The following SLCO1B1 variants were observed in gnomAD, a reference collection of about 807,000 sequenced individuals.
SLCO1B1 encodes solute carrier organic anion transporter family member 1B1, also known as OATP-2.
Under a neutral mutation model 70.1 loss-of-function variants are expected in SLCO1B1, and 81 were observed. The observed-to-expected ratio is 1.16, with a 90% CI of 0.97 to 1.39. SLCO1B1 has a LOEUF of 1.39. Ranked by LOEUF, SLCO1B1 falls within the 40% of genes most tolerant of loss-of-function variation. The probability of loss-of-function intolerance (pLI) is 0.00; values close to 1 mark genes in which losing one functional copy is unlikely to be tolerated. For missense variants in SLCO1B1, 895 were observed against 799.6 expected, an observed-to-expected ratio of 1.12 and a Z score of -1.44; for synonymous variants, 283 against 271.5, an observed-to-expected ratio of 1.04 and a Z score of -0.42.
intron 7 of SLCO1B1, among the ~76,000 whole-genome samples, chr12:21,185,249 A>G (rs1940950842): frequency 6.6e-6 from 1 of 152,032 alleles, no homozygotes; most frequent in Admixed American, 6.6e-5. Context: ...CTCAACTCTC[A>G]ACCAACTGGA....
At chr12:21,185,541 TAAATA>T (rs1051266818) in intron 7 of SLCO1B1, among the ~76,000 whole-genome samples, 11 of 152,064 alleles carry the variant, frequency 7.2e-5, no homozygotes, top group African/African-American at 2.7e-4. Flanking sequence ...TTTTTGACAT[TAAATA>T]AAATAGAGAC....
chr12:21,197,241 G>A (rs1376220853), intron 8 of SLCO1B1, 53 bp downstream of exon 8: 10 of 1,595,742 alleles, frequency 6.3e-6, no homozygotes, highest in Non-Finnish European at 8.6e-6. Context: ...CAATGAAAAG[G>A]AAGAATGAGT....
intron 1 of SLCO1B1, among the ~76,000 whole-genome samples, chr12:21,134,370 C>G (rs960121167): frequency 3.9e-5 from 6 of 152,180 alleles, no homozygotes; most frequent in East Asian, 1.9e-4. Context: ...GGAGGATTCC[C>G]TCTTTTTCTA....
chr12:21,132,712 A>G (rs771335716), intron 1 of SLCO1B1, among the ~76,000 whole-genome samples: 2 of 152,000 alleles, frequency 1.3e-5, no homozygotes, highest in Non-Finnish European at 2.9e-5. Context: ...GTTTGAGTTC[A>G]TTGTAGATTT....
intron 2 of SLCO1B1, among the ~76,000 whole-genome samples, chr12:21,152,391 T>G (rs1940482635): frequency 6.6e-6 from 1 of 151,802 alleles, no homozygotes; most frequent in Non-Finnish European, 1.5e-5. Context: ...TCTTGCTCTG[T>G]CTCTTCAAAA....
intron 14 of SLCO1B1, among the ~76,000 whole-genome samples, chr12:21,235,919 T>C (rs557300868): frequency 1.3e-5 from 2 of 152,300 alleles, no homozygotes; most frequent in South Asian, 4.1e-4. Flanking sequence ...AGTTCACCTT[T>C]AGTCTAATGG....
chr12:21,199,007 C>G (rs554741489), intron 8 of SLCO1B1, among the ~76,000 whole-genome samples: 1 of 151,982 alleles, frequency 6.6e-6, no homozygotes, highest in Non-Finnish European at 1.5e-5. Context: ...ACTGGGGAGA[C>G]CTGTGGAGAG....
At chr12:21,136,862 C>A (rs564119570) in intron 1 of SLCO1B1, among the ~76,000 whole-genome samples, 36 of 152,244 alleles carry the variant, frequency 2.4e-4, no homozygotes, top group African/African-American at 8.2e-4. Flanking sequence ...AGCTTTGTTC[C>A]GTTGCTGGTG....
intron 2 of SLCO1B1, among the ~76,000 whole-genome samples, chr12:21,148,589 T>A (rs1940420108): frequency 6.6e-6 from 1 of 152,196 alleles, no homozygotes; most frequent in Non-Finnish European, 1.5e-5. Context: ...TTGGTAAAAG[T>A]ACCATGCTGT....
rs1264458430 is a variant in SLCO1B1 at position 21,202,642 on chromosome 12, C to G, written c.1287C>G (p.Leu429=). The G allele has an allele frequency of 2.5e-6, 4 of 1,612,754 alleles. No homozygotes were observed. In the African/African-American group the frequency reaches 5.3e-5, roughly 22 times the overall value. Residue 429 remains leucine, a synonymous_variant, in exon 10 of 15, where the codon CTC becomes CTG. Transcript: ENST00000256958. ...LSFYLLYFFI[L]CENKSVAGLT... is the part of the protein sequence containing the mutation. The stretch of plus-strand genomic sequence containing the variant: ...TTTACCTATTATATTTTTTCATACT[C>G]TGTGAAAACAAATCAGTTGCCGGAC...
intron 1 of SLCO1B1, among the ~76,000 whole-genome samples, 179 bp from the exon 2 acceptor site, chr12:21,141,335 T>G (rs2121039190): frequency 6.6e-6 from 1 of 152,074 alleles, no homozygotes; most frequent in South Asian, 2.1e-4. Context: ...GGCTAGAATT[T>G]GTGTCTGTCT....
At position 21,214,712 on chromosome 12, in the gene SLCO1B1, G is replaced by C. The variant is rs968477785; in HGVS notation, c.1498-2407G>C. 4.6e-5 allele frequency among the ~76,000 whole-genome samples: 7 copies of C among 152,106 alleles called. No homozygotes were observed. In the East Asian group the frequency reaches 9.6e-4, roughly 21 times the overall value. Reference sequence around the variant, plus strand: ...TCAGACTGCTGTGCTAGCAATCAGCGAGACTCCATGGGCGTAGGACCCTCC... The same window carrying C: ...TCAGACTGCTGTGCTAGCAATCAGCCAGACTCCATGGGCGTAGGACCCTCC... On this transcript the variant is annotated intron_variant, in intron 11 of 14. Transcript: ENST00000256958.
chr12:21,206,798 T>C (rs911148326), intron 11 of SLCO1B1, among the ~76,000 whole-genome samples: 4 of 151,970 alleles, frequency 2.6e-5, no homozygotes, highest in African/African-American at 9.7e-5. Context: ...AGTTGTGTAA[T>C]GTTTTCCTAG....
intron 14 of SLCO1B1, among the ~76,000 whole-genome samples, chr12:21,227,393 T>G (rs1478744365): frequency 6.6e-6 from 1 of 152,140 alleles, no homozygotes; most frequent in Non-Finnish European, 1.5e-5. Flanking sequence ...GGAGGTTTAT[T>G]AGTTCAGGAT....
intron 11 of SLCO1B1, among the ~76,000 whole-genome samples, chr12:21,208,559 TG>T (rs1186755631): frequency 6.6e-6 from 1 of 152,074 alleles, no homozygotes; most frequent in Non-Finnish European, 1.5e-5. Context: ...TATCAGGTAA[TG>T]GGATGCCTCT....
At chr12:21,233,874 G>T (rs980900858) in intron 14 of SLCO1B1, among the ~76,000 whole-genome samples, 1 of 152,172 alleles carries the variant, frequency 6.6e-6, no homozygotes, top group South Asian at 2.1e-4. Context: ...CCAGAGCAGG[G>T]CTACTGAACC....
At position 21,172,667 on chromosome 12, in the gene SLCO1B1, G is replaced by A. The variant is rs1362561919; in HGVS notation, c.102G>A (p.Leu34=). 1 of 1,613,570 alleles carries A rather than the reference G, an allele frequency of 6.2e-7. No individual in the cohort carries two copies. The highest frequency in any genetic ancestry group is 1.3e-5 in the African/African-American group (1 of 74,858). ...TTTCTTAGATGTTCTTGGCAGCTCT[G>A]TCACTCAGCTTTATTGCTAAGACAC... is the stretch of plus-strand genomic sequence containing the variant. ...CNGLKMFLAA[L]SLSFIAKTLG... The change falls in exon 3 of 15, where the codon CTG becomes CTA. Residue 34 remains leucine (L), a synonymous_variant. Transcript: ENST00000256958.
chr12:21,136,096 G>A (rs189348062), intron 1 of SLCO1B1, among the ~76,000 whole-genome samples: 4 of 152,174 alleles, frequency 2.6e-5, no homozygotes, highest in South Asian at 2.1e-4. Context: ...ATGAAGCTTC[G>A]TTTGGCTGGA....
intron 3 of SLCO1B1, 63 bp downstream of exon 3, chr12:21,172,854 A>C: frequency 7.0e-7 from 1 of 1,436,930 alleles, no homozygotes; most frequent in Non-Finnish European, 9.6e-7. Flanking sequence ...TATGCTTTAC[A>C]CCACTGGTTA....
Sources: gnomAD v4.1 joint callset for allele counts (sites outside exome capture counted in the v4.1 genomes callset) on GRCh38, gnomAD v4.1.1 for gene constraint, MANE v1.5 for transcripts, NCBI Gene and HGNC (gene_info 2026-07-23, HGNC 2026-07-21) for gene names.